ALDH5A1: variants seen among roughly 807,000 people sequenced by gnomAD.
ALDH5A1 encodes succinate-semialdehyde dehydrogenase, mitochondrial.
In ALDH5A1, 33 loss-of-function variants were observed where a neutral mutation model predicts 54.7. The observed-to-expected ratio is 0.60, with a 90% confidence interval of 0.46 to 0.81. ALDH5A1 has a LOEUF of 0.81. ALDH5A1 is among the 30% of genes least tolerant of loss of function. ALDH5A1 has a pLI of 0.00. For missense variants in ALDH5A1, 657 were observed against 711.0 expected (o/e 0.92, Z 0.86); for synonymous variants, 294 against 292.7 (o/e 1.00, Z -0.05).
At chr6:24,519,755 G>GTTT (rs35222716) in intron 5 of ALDH5A1, among the ~76,000 whole-genome samples, 1 of 145,846 alleles carries the variant, frequency 6.9e-6, no homozygotes. Context: ...ATACCATCCT[G>GTTT]TTTTTTTTTT....
chr6:24,533,326 G>A (rs1230944986), intron 9 of ALDH5A1, among the ~76,000 whole-genome samples, 181 bp from the exon 10 acceptor site: 1 of 152,092 alleles, frequency 6.6e-6, no homozygotes, highest in Non-Finnish European at 1.5e-5. Flanking sequence ...AGCAAGAGGT[G>A]ACTTTCAAAG....
At chr6:24,498,519 G>A (rs79732535) in intron 1 of ALDH5A1, among the ~76,000 whole-genome samples, 7 of 152,150 alleles carry the variant, frequency 4.6e-5, no homozygotes, top group Non-Finnish European at 7.3e-5. Context: ...GCTGCAGGGC[G>A]GGTGTTGGGA....
At chr6:24,531,109 G>A (rs1410976082) in intron 8 of ALDH5A1, among the ~76,000 whole-genome samples, 4 of 152,278 alleles carry the variant, frequency 2.6e-5, no homozygotes, top group Non-Finnish European at 1.5e-5. Flanking sequence ...GTCCAGCATT[G>A]GGTTCACAGA....
chr6:24,509,923 T>C lies in ALDH5A1; in HGVS notation c.726+4938T>C, dbSNP rs909248479. ...TATTTATTTATGCTCTTTCAGACTT[T>C]TTGATGTAAGCATTTAGGGCCATGA... On this transcript the variant is annotated intron_variant, in intron 4 of 9. Transcript: ENST00000357578. This position sits in a 1 kb window ranked among gnomAD's most constrained non-coding sequence, Gnocchi z 4.7. 7.2e-5 allele frequency among the ~76,000 whole-genome samples: 11 copies of C among 152,158 alleles called. No homozygotes were observed. Among genetic ancestry groups the C allele is most frequent in the Admixed American group, 2.0e-4 (3 of 15,268 alleles).
chr6:24,500,352 T>C (rs946092397), intron 1 of ALDH5A1, among the ~76,000 whole-genome samples: 6 of 152,168 alleles, frequency 3.9e-5, no homozygotes, highest in Non-Finnish European at 8.8e-5. Flanking sequence ...CAAATCCAGG[T>C]TGCCAGTGAG....
intron 1 of ALDH5A1, among the ~76,000 whole-genome samples, chr6:24,500,272 CTCT>C (rs1444162913): frequency 7.2e-5 from 11 of 152,224 alleles, no homozygotes; most frequent in East Asian, 3.9e-4. Flanking sequence ...TGCCTGGGCC[CTCT>C]TCTTAAGTGT....
intron 2 of ALDH5A1, among the ~76,000 whole-genome samples, chr6:24,502,904 T>TA (rs1759232141): frequency 6.6e-6 from 1 of 152,054 alleles, no homozygotes; most frequent in South Asian, 2.1e-4. Context: ...TTTGGTTGTT[T>TA]TTTTTTTTAA....
chr6:24,506,143 T>C (rs1759345206), intron 4 of ALDH5A1, among the ~76,000 whole-genome samples: 1 of 151,280 alleles, frequency 6.6e-6, no homozygotes, highest in African/African-American at 2.4e-5. Flanking sequence ...AATAAAATGC[T>C]GCAGAAATTC....
chr6:24,505,599 C>T (rs550263516), intron 4 of ALDH5A1, among the ~76,000 whole-genome samples: 2 of 152,240 alleles, frequency 1.3e-5, no homozygotes, highest in East Asian at 3.9e-4. Flanking sequence ...CCCCAGATAC[C>T]CCTATAACTT....
chr6:24,525,662 C>T (rs745795211), intron 7 of ALDH5A1, among the ~76,000 whole-genome samples: 31 of 152,070 alleles, frequency 2.0e-4, no homozygotes, highest in Non-Finnish European at 3.2e-4. Context: ...GAGCAGAGAT[C>T]GCACCAGTGC....
At chr6:24,510,800 A>G (rs1759444569) in intron 4 of ALDH5A1, among the ~76,000 whole-genome samples, 1 of 152,210 alleles carries the variant, frequency 6.6e-6, no homozygotes, top group Admixed American at 6.5e-5. Flanking sequence ...AGGCATTTAC[A>G]TTCAATGTTT....
At chr6:24,501,831 C>T (rs1351845341) in intron 1 of ALDH5A1, among the ~76,000 whole-genome samples, 1 of 151,288 alleles carries the variant, frequency 6.6e-6, no homozygotes, top group Non-Finnish European at 1.5e-5. Context: ...TATGTTTCCC[C>T]AAGCATCTTA....
chr6:24,498,327 A>G (rs1344237572), intron 1 of ALDH5A1, among the ~76,000 whole-genome samples: 1 of 152,202 alleles, frequency 6.6e-6, no homozygotes, highest in African/African-American at 2.4e-5. Context: ...TGTACTGCAT[A>G]CATACTTACA....
intron 8 of ALDH5A1, 130 bp downstream of exon 8, chr6:24,528,296 G>C: frequency 1.0e-6 from 1 of 978,068 alleles, no homozygotes. Context: ...CCATTGAAGA[G>C]CAGAGTGCAA....
At position 24,522,865 on chromosome 6, in the gene ALDH5A1, TAATGGA is replaced by T; in HGVS notation, c.1114_1119del (p.Asn372_Gly373del). 5.6e-6 allele frequency: 9 copies of T among 1,614,136 alleles called. No individual in the cohort carries two copies. Among genetic ancestry groups the T allele is most frequent in the Non-Finnish European group, 7.6e-6 (9 of 1,180,008 alleles). On this transcript the variant is annotated inframe_deletion, in exon 7 of 10. Transcript: ENST00000357578. ...CCATGAAGAAGAACCTGCGCGTAGGTAATGGATTTGAGGAAGGAACTACTCAGGGCC... is the reference window on the plus strand; with the variant it reads ...CCATGAAGAAGAACCTGCGCGTAGGTTTTGAGGAAGGAACTACTCAGGGCC...
rs760040470 is a variant in ALDH5A1, at chr6:24,515,233, A to G, written c.793A>G (p.Lys265Glu). The G allele has an allele frequency of 3.7e-6, 6 of 1,613,556 alleles. No individual in the cohort carries two copies. The African/African-American group carries it at 5.4e-5, about 14-fold the overall frequency. Reference sequence around the variant, plus strand: ...TATTCCCTGTTCTCGAAAGAATGCCAAGGAAGTAGGGGAGGCAATTTGTAC... The same window carrying G: ...TATTCCCTGTTCTCGAAAGAATGCCGAGGAAGTAGGGGAGGCAATTTGTAC... ...NVIPCSRKNAKEVGEAICTDP... is the reference protein window; with the variant it reads ...NVIPCSRKNAEEVGEAICTDP... The change falls in exon 5 of 10, where the codon AAG (lysine) becomes GAG (glutamate). Residue 265 changes from lysine to glutamate, a missense_variant. Around this residue, in one of 2 missense-constraint regions of ALDH5A1, gnomAD observed 425 missense variants for 516.4 expected, o/e 0.82. Transcript: ENST00000357578.
intron 5 of ALDH5A1, 149 bp from the exon 6 acceptor site, chr6:24,520,249 ATTC>A (rs1759653449): frequency 1.1e-6 from 1 of 891,058 alleles, no homozygotes. Context: ...GTAAATATAT[ATTC>A]TTATTTCTCC....
chr6:24,504,908 GCCGC>G lies in ALDH5A1; in HGVS notation c.652_655del (p.Ala218TrpfsTer9). ...TGCCATGATCACCCGGAAGGTGGGGGCCGCCCTGGCAGCCGGCTGTACTGTCGTG... is the reference window on the plus strand; with the variant it reads ...TGCCATGATCACCCGGAAGGTGGGGGCCTGGCAGCCGGCTGTACTGTCGTG... On this transcript the variant is annotated frameshift_variant, in exon 4 of 10. Coordinates refer to ENST00000357578, the MANE Select transcript of ALDH5A1 (RefSeq NM_001080.3). LOFTEE classifies it high-confidence loss of function. 1 of 1,614,192 alleles carries G rather than the reference GCCGC, an allele frequency of 6.2e-7. No individual in the cohort carries two copies. The highest frequency in any genetic ancestry group is 8.5e-7 in the Non-Finnish European group (1 of 1,180,040).
chr6:24,515,102 C>CTTTTTTTTTTTTTTTTTTTTTGTTTTT, intron 4 of ALDH5A1, 65 bp from the exon 5 acceptor site: 1 of 927,262 alleles, frequency 1.1e-6, no homozygotes, highest in Non-Finnish European at 1.5e-6. Context: ...TTTCTCTTTT[C>CTTTTTTTTTTTTTTTTTTTTTGTTTTT]TTTTTTTTTT....
Sources: allele counts gnomAD v4.1 joint callset (sites outside exome capture counted in the v4.1 genomes callset), GRCh38; gene constraint gnomAD v4.1.1; regional missense constraint gnomAD v4.1.1; non-coding constraint Gnocchi (gnomAD v3.1); transcripts MANE v1.5; gene names NCBI Gene and HGNC (gene_info 2026-07-23, HGNC 2026-07-21).